The following COP1 variants were observed in gnomAD, a reference collection of about 807,000 sequenced individuals.
COP1 encodes COP1 E3 ubiquitin ligase.
Under a neutral mutation model 101.3 loss-of-function variants are expected in COP1, and 24 were observed. That is an observed-to-expected ratio of 0.24 (90% CI 0.17 to 0.33). COP1 has a LOEUF of 0.33. Among genes scored for constraint, COP1 ranks in the 10% least tolerant of loss-of-function variants. The pLI is 1.00. For synonymous variants in COP1, 347 were observed against 341.9 expected (o/e 1.01, Z -0.17); for missense variants, 663 against 906.2 (o/e 0.73, Z 3.45).
chr1:175,981,166 T>C (rs766406164), intron 18 of COP1, among the ~76,000 whole-genome samples: 3 of 152,132 alleles, frequency 2.0e-5, no homozygotes, highest in Non-Finnish European at 4.4e-5. Flanking sequence ...TTAGTGTAGG[T>C]TTGCTGATTG....
chr1:176,086,647 A>G (rs767472625), intron 9 of COP1, among the ~76,000 whole-genome samples: 19 of 151,624 alleles, frequency 1.3e-4, no homozygotes, highest in Non-Finnish European at 2.4e-4. Flanking sequence ...ATGCTCATGG[A>G]TAGGAAGAAT....
At chr1:175,980,415 A>G (rs1435078167) in intron 18 of COP1, among the ~76,000 whole-genome samples, 1 of 152,218 alleles carries the variant, frequency 6.6e-6, no homozygotes, top group African/African-American at 2.4e-5. Context: ...TCATCATATA[A>G]CAAAAAAGTT....
chr1:176,027,586 G>C lies in COP1; in HGVS notation c.1715C>G (p.Ala572Gly). The change falls in exon 15 of 20, where the codon GCT becomes GGT. Residue 572 changes from alanine to glycine, a missense_variant. Coordinates refer to ENST00000367669, the MANE Select transcript of COP1 (RefSeq NM_022457.7). ...KFSPSSRYHL[A>G]FGCADHCVHY... ...TCATTTCTTACCTGCACAGCCGAAA[G>C]CCAAATGGTATCTGGAAGAGGGGCT... The C allele has an allele frequency of 1.2e-6, 2 of 1,610,274 alleles. No homozygotes were observed. The highest frequency in any genetic ancestry group is 1.7e-6 in the Non-Finnish European group (2 of 1,176,766).
intron 3 of COP1, among the ~76,000 whole-genome samples, chr1:176,165,408 A>C (rs867513844): frequency 4.5e-5 from 4 of 88,498 alleles, no homozygotes; most frequent in Non-Finnish European, 1.0e-4. Flanking sequence ...GTGTGTGTGT[A>C]GGAGATACAA....
chr1:175,959,919 G>C (rs186848527), intron 18 of COP1, among the ~76,000 whole-genome samples: 153 of 152,044 alleles, frequency 1.0e-3, no homozygotes, highest in African/African-American at 3.6e-3. Flanking sequence ...TTTCTATTTG[G>C]TGGTTATATC....
intron 1 of COP1, among the ~76,000 whole-genome samples, chr1:176,200,769 T>C (rs1700186481): frequency 1.3e-5 from 2 of 152,078 alleles, no homozygotes; most frequent in African/African-American, 4.8e-5. Flanking sequence ...ACTTGGCTCA[T>C]ACACACATAA....
chr1:176,161,244 T>A (rs536241825), intron 5 of COP1, among the ~76,000 whole-genome samples: 2 of 152,306 alleles, frequency 1.3e-5, no homozygotes, highest in African/African-American at 4.8e-5. Context: ...ACTGTCATTT[T>A]CATCATTTCA....
chr1:175,965,092 AT>A (rs890944143), intron 18 of COP1, among the ~76,000 whole-genome samples: 8 of 149,166 alleles, frequency 5.4e-5, no homozygotes, highest in East Asian at 3.9e-4. Context: ...CTTTTGCTCC[AT>A]TTTTTTTTTC....
At chr1:176,023,813 C>G (rs1667211392) in intron 15 of COP1, among the ~76,000 whole-genome samples, 1 of 151,804 alleles carries the variant, frequency 6.6e-6, no homozygotes, top group Non-Finnish European at 1.5e-5. Flanking sequence ...ATAATCCAAG[C>G]CCAGACAGTT....
At chr1:176,086,566 A>C (rs558774904) in intron 9 of COP1, among the ~76,000 whole-genome samples, 1 of 152,144 alleles carries the variant, frequency 6.6e-6, no homozygotes, top group Non-Finnish European at 1.5e-5. Context: ...GTTAGAAAAT[A>C]ATTATCAAAT....
rs143264745 is a variant in COP1 at position 176,145,712 on chromosome 1, C to T, written c.831+3294G>A. Among the ~76,000 whole-genome samples the T allele has an allele frequency of 2.6e-3, 399 of 152,256 alleles. 3 individuals are homozygous for T. The highest frequency in any genetic ancestry group is 9.2e-3 in the African/African-American group (381 of 41,554). Reference sequence around the variant, plus strand: ...AACCATGTGGATGAATCTTAACATTCAGCCGAAGAAGATAGGAATAAAAGA... The same window carrying T: ...AACCATGTGGATGAATCTTAACATTTAGCCGAAGAAGATAGGAATAAAAGA... On this transcript the variant is annotated intron_variant, in intron 6 of 19. Transcript: ENST00000367669.
chr1:176,091,332 C>T (rs569182866), intron 9 of COP1, among the ~76,000 whole-genome samples: 6 of 138,570 alleles, frequency 4.3e-5, no homozygotes, highest in East Asian at 2.2e-4. Flanking sequence ...GGCAACAGAG[C>T]GAGACTCCGT....
intron 3 of COP1, among the ~76,000 whole-genome samples, chr1:176,165,588 G>A (rs971844922): frequency 1.6e-4 from 25 of 152,012 alleles, no homozygotes; most frequent in African/African-American, 2.4e-4. Flanking sequence ...TCAGCTACTC[G>A]GGAGGCTTAG....
chr1:176,062,979 C>T (rs1675163323), intron 11 of COP1, among the ~76,000 whole-genome samples: 1 of 150,922 alleles, frequency 6.6e-6, no homozygotes, highest in South Asian at 2.1e-4. Flanking sequence ...TAAATAGTTG[C>T]CTGTGGCAGG....
chr1:176,001,150 C>G (rs766300857), intron 15 of COP1, among the ~76,000 whole-genome samples: 6 of 152,050 alleles, frequency 3.9e-5, no homozygotes, highest in Non-Finnish European at 5.9e-5. Context: ...CTCTTCAAGG[C>G]TACTGCAAAT....
rs150041404 is a variant in COP1, at chr1:176,163,814, C to T, written c.642+1G>A. 6 of 1,550,322 alleles carry T rather than the reference C, an allele frequency of 3.9e-6. No homozygotes were observed. The highest frequency in any genetic ancestry group is 1.4e-5 in the African/African-American group (1 of 73,190). ...AAATAGTAATAAGAGTTGAAACATA[C>T]GGTGCTACTCACTGAGTGGTCCAAT... On this transcript the variant is annotated splice_donor_variant, in intron 4 of 19. Coordinates refer to ENST00000367669, the MANE Select transcript of COP1 (RefSeq NM_022457.7). LOFTEE classifies it high-confidence loss of function.
intron 3 of COP1, chr1:176,168,617 T>C (rs909934887): frequency 1.6e-5 from 3 of 193,534 alleles, no homozygotes; most frequent in Non-Finnish European, 3.3e-5. Flanking sequence ...ATATAGGGAG[T>C]GGTAATGGGG....
At chr1:176,120,840 T>C (rs1005389120) in intron 8 of COP1, among the ~76,000 whole-genome samples, 1 of 152,152 alleles carries the variant, frequency 6.6e-6, no homozygotes, top group Non-Finnish European at 1.5e-5. Context: ...GCCTTTTATA[T>C]TGAAAAAGAA....
intron 9 of COP1, among the ~76,000 whole-genome samples, chr1:176,101,526 T>C (rs908618790): frequency 1.3e-5 from 2 of 152,194 alleles, no homozygotes; most frequent in Admixed American, 6.5e-5. Context: ...GAAAAGTTAA[T>C]TTCCCAAACC....
Sources: allele counts gnomAD v4.1 joint callset (sites outside exome capture counted in the v4.1 genomes callset), GRCh38; gene constraint gnomAD v4.1.1; transcripts MANE v1.5; gene names NCBI Gene and HGNC (gene_info 2026-07-23, HGNC 2026-07-21).